Variants in FAM216B observed in about 807,000 individuals in gnomAD.
The protein encoded by FAM216B is protein FAM216B.
Under a neutral mutation model 12.9 loss-of-function variants are expected in FAM216B, and 11 were observed. The observed-to-expected ratio is 0.86, with a 90% CI of 0.54 to 1.42. FAM216B has a LOEUF of 1.42. FAM216B is among the 40% of genes most tolerant of loss of function. The pLI is 0.00. For missense variants in FAM216B, 167 were observed against 162.9 expected, an observed-to-expected ratio of 1.02 and a Z score of -0.14; for synonymous variants, 52 against 57.2, an observed-to-expected ratio of 0.91 and a Z score of 0.41.
chr13:42,782,423 G>T (rs567691815), intron 1 of FAM216B, among the ~76,000 whole-genome samples: 1 of 152,306 alleles, frequency 6.6e-6, no homozygotes, highest in African/African-American at 2.4e-5. Context: ...CAGAAGGAAA[G>T]AAACTCAAGT....
Position 42,786,897 on chromosome 13 carries a change from C to T in FAM216B, c.220+14C>T, listed in dbSNP as rs373916762. ...AACAGCTGCTTGGTAAGTTTAACTA[C>T]GTGATCCAAACTAAGCACCTAAGGA... On this transcript the variant is annotated intron_variant, in intron 3 of 3. Coordinates refer to ENST00000313851, the MANE Select transcript of FAM216B (RefSeq NM_001318932.2). 1.9e-5 allele frequency: 31 copies of T among 1,613,046 alleles called. No homozygotes were observed. Among genetic ancestry groups the T allele is most frequent in the Admixed American group, 3.3e-5 (2 of 59,912 alleles).
chr13:42,783,439 ATT>A (rs920095275), intron 1 of FAM216B, among the ~76,000 whole-genome samples: 2 of 148,138 alleles, frequency 1.4e-5, no homozygotes, highest in Non-Finnish European at 1.5e-5. Flanking sequence ...TGAATTCCAG[ATT>A]TTTTTTTTTT....
In FAM216B at chr13:42,783,182, C is replaced by T. The variant is rs115396425; in HGVS notation, c.-14-872C>T. The stretch of plus-strand genomic sequence containing the variant: ...AAAATAATTGGGTGTGGGGTGTGTA[C>T]CTGTAGTCCCAGCTACTCAGGAGGC... On this transcript the variant is annotated intron_variant, in intron 1 of 3. Transcript: ENST00000313851. 4.8e-3 allele frequency among the ~76,000 whole-genome samples: 725 copies of T among 151,860 alleles called. 3 individuals carry two copies. The highest frequency in any genetic ancestry group is 0.017 in the African/African-American group (698 of 41,392).
chr13:42,784,172 G>GATT lies in FAM216B; in HGVS notation c.99+6_99+7insATT. The GATT allele has an allele frequency of 1.2e-6, 1 of 809,000 alleles. No homozygotes were observed. Among genetic ancestry groups the GATT allele is most frequent in the Non-Finnish European group, 1.7e-6 (1 of 600,574 alleles). The allele number at this position is 809,000 out of a possible 1,614,324, so 50.1% of individuals were successfully genotyped here. A position where few individuals can be genotyped will look rare whatever the true frequency, so the allele number is the denominator to read the frequency against. ...ATGACACTTCCTTACTAAAGGTATG[G>GATT]CTTTTTTTTTTTTTTTTTTTTCACA... On this transcript the variant is annotated splice_region_variant and intron_variant, in intron 2 of 3. Transcript: ENST00000313851.
Position 42,790,684 on chromosome 13 carries a change from G to A in FAM216B, c.*1894G>A, listed in dbSNP as rs2296244. The A allele has an allele frequency of 0.14, 21,640 of 152,160 alleles. 1,612 individuals are homozygous for A. Among genetic ancestry groups the A allele is most frequent in the South Asian group, 0.18 (874 of 4,808 alleles). The allele number at this position is 152,160 out of a possible 1,614,324, so 9.4% of individuals were successfully genotyped here. A position where few individuals can be genotyped will look rare whatever the true frequency, so the allele number is the denominator to read the frequency against. On this transcript the variant is annotated 3_prime_UTR_variant, in exon 4 of 4. Coordinates refer to ENST00000313851, the MANE Select transcript of FAM216B (RefSeq NM_001318932.2). ...CTGAGAAAGATAAACAAAGGGGAAG[G>A]AAGAGAGGACAACCTGTAACTTTTA...
At chr13:42,782,136 G>A (rs1187578329) in intron 1 of FAM216B, among the ~76,000 whole-genome samples, 2 of 152,192 alleles carry the variant, frequency 1.3e-5, no homozygotes, top group Non-Finnish European at 2.9e-5. Flanking sequence ...GTTGACTAAT[G>A]TTTTCCTAAT....
Position 42,790,832 on chromosome 13 carries a change from C to T in FAM216B, c.*2042C>T, listed in dbSNP as rs1874288921. On this transcript the variant is annotated 3_prime_UTR_variant, in exon 4 of 4. Coordinates refer to ENST00000313851, the MANE Select transcript of FAM216B (RefSeq NM_001318932.2). ...CTGTTTCACCTGAAATTGCTAGCAC[C>T]TAGAATGGCCCCCGGTTGCGGTAGG... 1 of 152,154 alleles carries T rather than the reference C, an allele frequency of 6.6e-6. No individual in the cohort carries two copies. Among genetic ancestry groups the T allele is most frequent in the Non-Finnish European group, 1.5e-5 (1 of 68,020 alleles). The allele number at this position is 152,154 out of a possible 1,614,324, so 9.4% of individuals were successfully genotyped here.
In FAM216B at chr13:42,788,709, A is replaced by G. The variant is rs1222418991; in HGVS notation, c.339A>G (p.Thr113=). The change falls in exon 4 of 4, where the codon ACA becomes ACG. Residue 113 remains threonine, a synonymous_variant. Transcript: ENST00000313851. ...TTCCCCGGAAAACTTCAGCCATGAC[A>G]AGAAGATGTCCATCAGTACTACCTG... ...RTIPRKTSAM[T]RRCPSVLPVS... The G allele has an allele frequency of 2.5e-6, 4 of 1,613,806 alleles. No homozygotes were observed. In the African/African-American group the frequency reaches 4.0e-5, roughly 16 times the overall value.
chr13:42,786,885 T>A lies in FAM216B; in HGVS notation c.220+2T>A, dbSNP rs781781091. Reference sequence around the variant, plus strand: ...GCCTTCAGCACCAACAGCTGCTTGGTAAGTTTAACTACGTGATCCAAACTA... The same window carrying A: ...GCCTTCAGCACCAACAGCTGCTTGGAAAGTTTAACTACGTGATCCAAACTA... On this transcript the variant is annotated splice_donor_variant, in intron 3 of 3. Coordinates refer to ENST00000313851, the MANE Select transcript of FAM216B (RefSeq NM_001318932.2). LOFTEE classifies it high-confidence loss of function. 16 of 1,613,576 alleles carry A rather than the reference T, an allele frequency of 9.9e-6. No individual in the cohort carries two copies. Among genetic ancestry groups the A allele is most frequent in the African/African-American group, 1.3e-5 (1 of 74,900 alleles).
In FAM216B at chr13:42,786,903, C is replaced by A. The variant is rs537911529; in HGVS notation, c.220+20C>A. 5 of 1,612,778 alleles carry A rather than the reference C, an allele frequency of 3.1e-6. No homozygotes were observed. Among genetic ancestry groups the A allele is most frequent in the Middle Eastern group, 1.7e-4 (1 of 6,044 alleles). ...TGCTTGGTAAGTTTAACTACGTGAT[C>A]CAAACTAAGCACCTAAGGAATCAAC... On this transcript the variant is annotated intron_variant, in intron 3 of 3. Transcript: ENST00000313851.
rs116530362 is a variant in FAM216B, at chr13:42,791,471, G to A, written c.*2681G>A. On this transcript the variant is annotated 3_prime_UTR_variant, in exon 4 of 4. Coordinates refer to ENST00000313851, the MANE Select transcript of FAM216B (RefSeq NM_001318932.2). ...CAGAACCTGAAATACTTCAATTTTT[G>A]ATTCTATGTGGCAGTTTAGAGTTTT... 4.0e-3 allele frequency: 603 copies of A among 152,130 alleles called. 8 individuals carry two copies. Among genetic ancestry groups the A allele is most frequent in the African/African-American group, 0.014 (569 of 41,524 alleles). The allele number at this position is 152,130 out of a possible 1,614,324, so 9.4% of individuals were successfully genotyped here. A position where few individuals can be genotyped will look rare whatever the true frequency, so the allele number is the denominator to read the frequency against.
Position 42,788,842 on chromosome 13 carries a change from C to T in FAM216B, c.*52C>T. Reference sequence around the variant, plus strand: ...AAGTTTGCCCATGTATCCCTGGTATCTAGTGGGTGCTTTGTGCATATTTGT... The same window carrying T: ...AAGTTTGCCCATGTATCCCTGGTATTTAGTGGGTGCTTTGTGCATATTTGT... On this transcript the variant is annotated 3_prime_UTR_variant, in exon 4 of 4. Coordinates refer to ENST00000313851, the MANE Select transcript of FAM216B (RefSeq NM_001318932.2). The T allele has an allele frequency of 6.7e-7, 1 of 1,503,686 alleles. No individual in the cohort carries two copies. Among genetic ancestry groups the T allele is most frequent in the Non-Finnish European group, 9.1e-7 (1 of 1,103,854 alleles). 93.1% of individuals were successfully genotyped at this position (1,503,686 alleles called of 1,614,324 possible). A position where few individuals can be genotyped will look rare whatever the true frequency, so the allele number is the denominator to read the frequency against.
rs1264148347 is a variant in FAM216B, at chr13:42,781,663, G to C, written c.-16G>C. ...TTAAAAGTGGGGGAACTACAGTATA[G>C]GGTAAGTTCTTTTTAGGCAAATCTG... On this transcript the variant is annotated splice_region_variant and 5_prime_UTR_variant, in exon 1 of 4. An upstream open reading frame in the 5' UTR loses its in-frame stop. Transcript: ENST00000313851. 6.6e-6 allele frequency: 1 copy of C among 152,166 alleles called. No homozygotes were observed. Among genetic ancestry groups the C allele is most frequent in the Non-Finnish European group, 1.5e-5 (1 of 68,032 alleles). The allele number at this position is 152,166 out of a possible 1,614,324, so 9.4% of individuals were successfully genotyped here. A position where few individuals can be genotyped will look rare whatever the true frequency, so the allele number is the denominator to read the frequency against.
rs1428316798 is a variant in FAM216B, at chr13:42,789,394, C to A, written c.*604C>A. 6.6e-6 allele frequency: 1 copy of A among 152,332 alleles called. No homozygotes were observed. Among genetic ancestry groups the A allele is most frequent in the East Asian group, 1.9e-4 (1 of 5,192 alleles). 9.4% of individuals were successfully genotyped at this position (152,332 alleles called of 1,614,324 possible). On this transcript the variant is annotated 3_prime_UTR_variant, in exon 4 of 4. Coordinates refer to ENST00000313851, the MANE Select transcript of FAM216B (RefSeq NM_001318932.2). The stretch of plus-strand genomic sequence containing the variant: ...CCACAGCTGAATTGATTTTATGGAG[C>A]TGTAACTGGCCTTGACATGGGTAAG...
intron 3 of FAM216B, 133 bp from the exon 4 acceptor site, chr13:42,788,458 T>C: frequency 1.6e-6 from 1 of 618,714 alleles, no homozygotes; most frequent in Non-Finnish European, 2.7e-6. Flanking sequence ...TCTTCAAAGA[T>C]CATATAATCT....
At chr13:42,787,374 T>G (rs1874131524) in intron 3 of FAM216B, among the ~76,000 whole-genome samples, 1 of 152,198 alleles carries the variant, frequency 6.6e-6, no homozygotes, top group Non-Finnish European at 1.5e-5. Flanking sequence ...GTTATGTAAC[T>G]TGATTAAGAT....
At chr13:42,783,765 C>T (rs1873950844) in intron 1 of FAM216B, among the ~76,000 whole-genome samples, 1 of 151,976 alleles carries the variant, frequency 6.6e-6, no homozygotes, top group Admixed American at 6.5e-5. Flanking sequence ...GTATGCTCTA[C>T]AACACACCTG....
At position 42,786,832 on chromosome 13, in the gene FAM216B, G is replaced by A. The variant is rs370728261; in HGVS notation, c.169G>A (p.Glu57Lys). Residue 57 changes from glutamate (E) to lysine (K), a missense_variant, in exon 3 of 4, where the codon GAG becomes AAG. By Grantham distance (56) the Glu-to-Lys change is moderately conservative (BLOSUM62 1). Transcript: ENST00000313851. ...GATTTACAACTCCAGGCCCCAGTGG[G>A]AGGCCCTGCAGACCCGCTACATTCA... ...MRIYNSRPQWEALQTRYIHSL... is the reference protein window; with the variant it reads ...MRIYNSRPQWKALQTRYIHSL... The A allele has an allele frequency of 9.9e-5, 159 of 1,614,018 alleles. No individual in the cohort carries two copies. Among genetic ancestry groups the A allele is most frequent in the Middle Eastern group, 8.2e-4 (5 of 6,062 alleles).
chr13:42,786,925 C>A, intron 3 of FAM216B, 42 bp downstream of exon 3: 2 of 1,608,650 alleles, frequency 1.2e-6, no homozygotes, highest in South Asian at 2.2e-5. Context: ...CCTAAGGAAT[C>A]AACTCGTGCT....
Sources: gnomAD v4.1 joint callset for allele counts (sites outside exome capture counted in the v4.1 genomes callset) on GRCh38, gnomAD v4.1.1 for gene constraint, MANE v1.5 for transcripts, NCBI Gene and HGNC (gene_info 2026-07-23, HGNC 2026-07-21) for gene names.